The following GPD1L variants were observed in gnomAD, a reference collection of about 807,000 sequenced individuals.
GPD1L encodes the protein glycerol-3-phosphate dehydrogenase 1-like protein.
In GPD1L, 17 loss-of-function variants were observed where a neutral mutation model predicts 32.9. The ratio of observed to expected loss-of-function variants is 0.52; its 90% CI spans 0.35 to 0.78. The LOEUF (loss-of-function observed/expected upper bound fraction) is 0.78, where lower values mean the gene tolerates loss of function less well. GPD1L is among the 30% of genes least tolerant of loss of function. The pLI is 0.01. For missense variants in GPD1L, 361 were observed against 447.8 expected (o/e 0.81, Z 1.75); for synonymous variants, 187 against 165.9 (o/e 1.13, Z -0.98).
chr3:32,139,259 G>A (rs1575115242), intron 3 of GPD1L, among the ~76,000 whole-genome samples: 1 of 152,134 alleles, frequency 6.6e-6, no homozygotes, highest in Non-Finnish European at 1.5e-5. Flanking sequence ...TTCAGTAATA[G>A]CAGTATTAGC....
At position 32,166,507 on chromosome 3, in the gene GPD1L, T is replaced by A. The variant is rs1421588129; in HGVS notation, c.*597T>A. On this transcript the variant is annotated 3_prime_UTR_variant, in exon 8 of 8. Transcript: ENST00000282541. Reference sequence around the variant, plus strand: ...CCCCTCACTGCAGTTGTCTGCATTTTTAGCCTCTTTTCTCTTCGTTAGTTG... The same window carrying A: ...CCCCTCACTGCAGTTGTCTGCATTTATAGCCTCTTTTCTCTTCGTTAGTTG... 6.4e-6 allele frequency: 1 copy of A among 155,674 alleles called. No homozygotes were observed. Among genetic ancestry groups the A allele is most frequent in the Non-Finnish European group, 1.4e-5 (1 of 70,362 alleles). 9.6% of individuals were successfully genotyped at this position (155,674 alleles called of 1,614,324 possible).
chr3:32,107,282 C>T (rs1288264761), intron 1 of GPD1L, among the ~76,000 whole-genome samples: 1 of 152,198 alleles, frequency 6.6e-6, no homozygotes, highest in East Asian at 1.9e-4. Context: ...GGTCCACTAT[C>T]TTAGGCGCGT....
At chr3:32,151,323 T>C (rs1371981585) in intron 5 of GPD1L, 2 of 660,118 alleles carry the variant, frequency 3.0e-6, no homozygotes, top group Non-Finnish European at 2.8e-6. Flanking sequence ...GCCCTTAACT[T>C]GTTTACCACA....
intron 5 of GPD1L, among the ~76,000 whole-genome samples, chr3:32,147,442 G>C (rs1003956317): frequency 6.6e-6 from 1 of 152,154 alleles, no homozygotes; most frequent in Non-Finnish European, 1.5e-5. Flanking sequence ...GAGGTAAAGG[G>C]AGGTCTCCAC....
chr3:32,107,330 C>G (rs367556963), intron 1 of GPD1L, among the ~76,000 whole-genome samples: 5 of 152,354 alleles, frequency 3.3e-5, no homozygotes, highest in African/African-American at 1.2e-4. Flanking sequence ...ACAGGCCGCT[C>G]TCCCTGAGGC....
chr3:32,136,325 G>A (rs1700659642), intron 2 of GPD1L, among the ~76,000 whole-genome samples: 1 of 152,214 alleles, frequency 6.6e-6, no homozygotes. Flanking sequence ...GGAAGCATCT[G>A]TTTCCCAGAA....
chr3:32,137,107 T>C (rs1267008952), intron 2 of GPD1L, among the ~76,000 whole-genome samples: 1 of 152,174 alleles, frequency 6.6e-6, no homozygotes, highest in Admixed American at 6.5e-5. Flanking sequence ...AAACTAGGTT[T>C]CCTCAGAGGC....
At chr3:32,125,262 A>G (rs1330304463) in intron 1 of GPD1L, among the ~76,000 whole-genome samples, 1 of 152,158 alleles carries the variant, frequency 6.6e-6, no homozygotes, top group African/African-American at 2.4e-5. Context: ...AAGATGCTGT[A>G]TTTATGCATC....
At chr3:32,152,622 G>C (rs1190788556) in intron 5 of GPD1L, among the ~76,000 whole-genome samples, 1 of 152,134 alleles carries the variant, frequency 6.6e-6, no homozygotes, top group Non-Finnish European at 1.5e-5. Context: ...CATTCATGAA[G>C]GCAGAACACG....
intron 5 of GPD1L, among the ~76,000 whole-genome samples, chr3:32,149,736 A>T (rs1700883735): frequency 6.6e-6 from 1 of 152,048 alleles, no homozygotes; most frequent in Admixed American, 6.6e-5. Flanking sequence ...TCACGTGAGT[A>T]TGGGAGTCTT....
chr3:32,122,991 A>G (rs1575109786), intron 1 of GPD1L, among the ~76,000 whole-genome samples: 1 of 151,788 alleles, frequency 6.6e-6, no homozygotes, highest in African/African-American at 2.4e-5. Flanking sequence ...TGCAGCCTTG[A>G]CCTCCTGGGC....
At chr3:32,112,007 G>T (rs567606627) in intron 1 of GPD1L, among the ~76,000 whole-genome samples, 1 of 152,278 alleles carries the variant, frequency 6.6e-6, no homozygotes, top group African/African-American at 2.4e-5. Flanking sequence ...GAGGACAGGC[G>T]CACGGACACA....
chr3:32,120,987 G>A (rs1465926011), intron 1 of GPD1L, among the ~76,000 whole-genome samples: 1 of 152,106 alleles, frequency 6.6e-6, no homozygotes, highest in African/African-American at 2.4e-5. Context: ...TCCTGCAGGC[G>A]GGTGTCCATC....
intron 5 of GPD1L, chr3:32,158,608 C>G (rs1031235659): frequency 4.9e-6 from 3 of 618,056 alleles, no homozygotes; most frequent in African/African-American, 1.9e-5. Context: ...AGACTACTAT[C>G]AGCCGTTCTG....
At chr3:32,165,724 C>A (rs1701137233) in intron 7 of GPD1L, 90 bp from the exon 8 acceptor site, 1 of 750,630 alleles carries the variant, frequency 1.3e-6, no homozygotes, top group Non-Finnish European at 2.5e-6. Context: ...CACATACTAA[C>A]CTGCAATCTG....
intron 7 of GPD1L, among the ~76,000 whole-genome samples, chr3:32,161,572 C>T (rs1215667564): frequency 1.3e-5 from 2 of 152,142 alleles, no homozygotes; most frequent in African/African-American, 4.8e-5. Flanking sequence ...GAAACACACC[C>T]CAAGTGTGCT....
intron 1 of GPD1L, among the ~76,000 whole-genome samples, chr3:32,120,718 C>G (rs1474806421): frequency 6.6e-6 from 1 of 152,172 alleles, no homozygotes; most frequent in Non-Finnish European, 1.5e-5. Flanking sequence ...AGCAGAATTG[C>G]AAGCATGCAA....
intron 1 of GPD1L, among the ~76,000 whole-genome samples, chr3:32,109,426 TG>T (rs1198676861): frequency 2.0e-5 from 3 of 152,208 alleles, no homozygotes; most frequent in Admixed American, 6.5e-5. Flanking sequence ...TTCTTCATTC[TG>T]GTGTACTTGA....
intron 1 of GPD1L, among the ~76,000 whole-genome samples, chr3:32,127,276 A>C (rs1024482095): frequency 3.3e-5 from 5 of 152,194 alleles, no homozygotes; most frequent in African/African-American, 7.2e-5. Context: ...TCTAAGAAAC[A>C]AACTGTTTCT....
Sources: gnomAD v4.1 joint callset for allele counts (sites outside exome capture counted in the v4.1 genomes callset) on GRCh38, gnomAD v4.1.1 for gene constraint, MANE v1.5 for transcripts, NCBI Gene and HGNC (gene_info 2026-07-23, HGNC 2026-07-21) for gene names.